ITPR2: variants seen among roughly 807,000 people sequenced by gnomAD.
The protein encoded by ITPR2 is inositol 1,4,5-trisphosphate-gated calcium channel ITPR2.
ITPR2 carries 207 observed loss-of-function variants against 317.1 expected under a neutral mutation model. The ratio of observed to expected loss-of-function variants is 0.65; its 90% CI spans 0.58 to 0.73. ITPR2 has a LOEUF of 0.73. Ranked by LOEUF, ITPR2 falls within the 30% of genes least tolerant of loss-of-function variation. ITPR2 has a pLI of 0.00. For missense variants in ITPR2, 2,613 were observed against 3,284.0 expected (o/e 0.80, Z 4.99); for synonymous variants, 1,156 against 1,149.1 (o/e 1.01, Z -0.12).
chr12:26,531,662 C>CAT (rs1290764716), intron 37 of ITPR2, among the ~76,000 whole-genome samples: 1 of 137,434 alleles, frequency 7.3e-6, no homozygotes, highest in Non-Finnish European at 1.6e-5. Context: ...TTTACACACA[C>CAT]ACACACACAC....
At position 26,536,577 on chromosome 12, in the gene ITPR2, G is replaced by C. The variant is rs538488500; in HGVS notation, c.5073+13670C>G. Among the ~76,000 whole-genome samples, 4 of 150,834 alleles carry C rather than the reference G, an allele frequency of 2.7e-5. 1 individual carries two copies. Among genetic ancestry groups the C allele is most frequent in the African/African-American group, 9.7e-5 (4 of 41,450 alleles). On this transcript the variant is annotated intron_variant, in intron 37 of 56. Coordinates refer to ENST00000381340, the MANE Select transcript of ITPR2 (RefSeq NM_002223.4). ...GGAAAGGAGTAAATGTCAGAGCATT[G>C]GGATGCCTGAATTAGCAATCATGGA...
intron 13 of ITPR2, among the ~76,000 whole-genome samples, chr12:26,675,010 C>A (rs1027108324): frequency 1.7e-4 from 26 of 152,132 alleles, no homozygotes; most frequent in Admixed American, 6.6e-5. Context: ...TCATCTCACA[C>A]CAGTTAGAAT....
intron 1 of ITPR2, among the ~76,000 whole-genome samples, chr12:26,822,352 T>C (rs1259341103): frequency 2.0e-5 from 3 of 152,332 alleles, no homozygotes; most frequent in East Asian, 3.9e-4. Context: ...GGAATCTATC[T>C]ATGGCTTTTT....
chr12:26,428,569 T>A (rs1421825565), intron 48 of ITPR2, among the ~76,000 whole-genome samples: 1 of 152,180 alleles, frequency 6.6e-6, no homozygotes, highest in African/African-American at 2.4e-5. Context: ...AATAGACACA[T>A]GCTTTAACTG....
intron 51 of ITPR2, among the ~76,000 whole-genome samples, chr12:26,414,518 C>G (rs1940659629): frequency 6.6e-6 from 1 of 151,972 alleles, no homozygotes; most frequent in Non-Finnish European, 1.5e-5. Context: ...TAGCAAAGTG[C>G]AGAACTATGA....
intron 54 of ITPR2, among the ~76,000 whole-genome samples, chr12:26,394,458 G>A (rs561157891): frequency 2.0e-5 from 3 of 152,266 alleles, no homozygotes; most frequent in East Asian, 1.9e-4. Context: ...GTTCAACAGC[G>A]TAGGAATTGG....
chr12:26,821,558 G>A (rs1950938136), intron 1 of ITPR2, among the ~76,000 whole-genome samples: 2 of 152,182 alleles, frequency 1.3e-5, no homozygotes, highest in Admixed American at 1.3e-4. Context: ...ATTTCTTGGA[G>A]CTCCTCCAGT....
intron 2 of ITPR2, among the ~76,000 whole-genome samples, chr12:26,785,327 A>G (rs1234839910): frequency 1.9e-4 from 7 of 36,260 alleles, no homozygotes; most frequent in Non-Finnish European, 2.1e-4. Flanking sequence ...CCGCCCGGCC[A>G]GCCGCCCCGT....
At chr12:26,499,302 T>C (rs1284451994) in intron 37 of ITPR2, among the ~76,000 whole-genome samples, 2 of 152,214 alleles carry the variant, frequency 1.3e-5, no homozygotes, top group Non-Finnish European at 2.9e-5. Context: ...TATTCAATTA[T>C]AGCCCCATTA....
At chr12:26,367,910 A>C (rs1939059765) in intron 55 of ITPR2, among the ~76,000 whole-genome samples, 1 of 152,208 alleles carries the variant, frequency 6.6e-6, no homozygotes, top group African/African-American at 2.4e-5. Context: ...GAGATGGCTG[A>C]CATGGGTTGT....
At chr12:26,605,694 C>T (rs1946114841) in intron 26 of ITPR2, among the ~76,000 whole-genome samples, 1 of 152,062 alleles carries the variant, frequency 6.6e-6, no homozygotes, top group Middle Eastern at 3.4e-3. Flanking sequence ...TTAGTTCAGC[C>T]CAGGTGAAGC....
chr12:26,773,347 A>C (rs1949904833), intron 2 of ITPR2, among the ~76,000 whole-genome samples: 1 of 152,188 alleles, frequency 6.6e-6, no homozygotes, highest in East Asian at 1.9e-4. Context: ...TTTATTCAGC[A>C]CTCACTAAGA....
At chr12:26,795,842 G>T (rs10771304) in intron 1 of ITPR2, among the ~76,000 whole-genome samples, 1 of 151,890 alleles carries the variant, frequency 6.6e-6, no homozygotes, top group Non-Finnish European at 1.5e-5. Flanking sequence ...AAAATTAGCA[G>T]GGCGTGGTGG....
intron 5 of ITPR2, among the ~76,000 whole-genome samples, chr12:26,716,545 C>T (rs1357185686): frequency 6.6e-6 from 1 of 152,060 alleles, no homozygotes; most frequent in Non-Finnish European, 1.5e-5. Context: ...GCCATTATCC[C>T]TCCCCACGAG....
intron 51 of ITPR2, among the ~76,000 whole-genome samples, chr12:26,412,576 A>G (rs1940584165): frequency 1.3e-5 from 2 of 152,216 alleles, no homozygotes; most frequent in African/African-American, 4.8e-5. Flanking sequence ...GAGGACATAG[A>G]GAGATATAGA....
intron 37 of ITPR2, among the ~76,000 whole-genome samples, chr12:26,528,890 C>A (rs747833463): frequency 5.9e-5 from 9 of 152,162 alleles, no homozygotes; most frequent in Non-Finnish European, 7.3e-5. Context: ...AATGGCACTT[C>A]CATTCTTCCA....
At chr12:26,623,670 C>G (rs1946555260) in intron 24 of ITPR2, among the ~76,000 whole-genome samples, 1 of 152,084 alleles carries the variant, frequency 6.6e-6, no homozygotes, top group South Asian at 2.1e-4. Flanking sequence ...TTTTTAGGGT[C>G]TCATGTCAAG....
intron 5 of ITPR2, among the ~76,000 whole-genome samples, chr12:26,719,400 T>C (rs1366024568): frequency 1.3e-5 from 2 of 152,198 alleles, no homozygotes; most frequent in African/African-American, 4.8e-5. Context: ...ACATGTTTTT[T>C]ATAAATTGCA....
intron 1 of ITPR2, among the ~76,000 whole-genome samples, chr12:26,809,418 A>G (rs934139571): frequency 2.0e-5 from 3 of 152,194 alleles, no homozygotes; most frequent in Non-Finnish European, 4.4e-5. Flanking sequence ...AATGTACACA[A>G]TGAATTTTTT....
Sources: allele counts gnomAD v4.1 joint callset (sites outside exome capture counted in the v4.1 genomes callset), GRCh38; gene constraint gnomAD v4.1.1; transcripts MANE v1.5; gene names NCBI Gene and HGNC (gene_info 2026-07-23, HGNC 2026-07-21).